The following CTNND2 variants were observed in gnomAD, a reference collection of about 807,000 sequenced individuals.
The protein encoded by CTNND2 is catenin delta 2.
CTNND2 carries 22 observed loss-of-function variants against 144.4 expected under a neutral mutation model. That is an observed-to-expected ratio of 0.15 (90% CI 0.11 to 0.22). The LOEUF (loss-of-function observed/expected upper bound fraction) is 0.22. Ranked by LOEUF, CTNND2 falls within the 10% of genes least tolerant of loss-of-function variation. CTNND2 has a pLI of 1.00. For missense variants in CTNND2, 1,353 were observed against 1,618.8 expected, an observed-to-expected ratio of 0.84 and a Z score of 2.82; for synonymous variants, 751 against 695.6, an observed-to-expected ratio of 1.08 and a Z score of -1.25.
At chr5:11,625,393 C>CTCTA (rs1196988462) in intron 2 of CTNND2, among the ~76,000 whole-genome samples, 4 of 129,858 alleles carry the variant, frequency 3.1e-5, no homozygotes, top group Non-Finnish European at 6.0e-5. Flanking sequence ...AGAAAAATCT[C>CTCTA]TCTCTCTCTC....
intron 14 of CTNND2, among the ~76,000 whole-genome samples, chr5:11,107,797 G>A (rs1752568841): frequency 6.6e-6 from 1 of 152,232 alleles, no homozygotes; most frequent in Non-Finnish European, 1.5e-5. Context: ...GACTGCGGAA[G>A]ACGCTTGGCT....
intron 9 of CTNND2, among the ~76,000 whole-genome samples, chr5:11,241,471 G>C (rs1411794950): frequency 1.3e-5 from 2 of 152,226 alleles, no homozygotes; most frequent in Non-Finnish European, 2.9e-5. Context: ...GGTTGGAGTT[G>C]ATTGTGTCTC....
intron 9 of CTNND2, among the ~76,000 whole-genome samples, chr5:11,240,141 A>AAC (rs768870703): frequency 2.2e-5 from 3 of 139,038 alleles, no homozygotes; most frequent in Middle Eastern, 3.7e-3. Context: ...ACACACACCC[A>AAC]ACACACACAC....
At chr5:11,177,165 G>A (rs979711644) in intron 11 of CTNND2, among the ~76,000 whole-genome samples, 8 of 152,076 alleles carry the variant, frequency 5.3e-5, no homozygotes, top group African/African-American at 1.7e-4. Flanking sequence ...CTTATTTCAC[G>A]TCAACAATTT....
intron 1 of CTNND2, among the ~76,000 whole-genome samples, chr5:11,858,514 T>C (rs762889103): frequency 2.0e-5 from 3 of 152,242 alleles, no homozygotes; most frequent in Admixed American, 6.5e-5. Flanking sequence ...ACTATATTGC[T>C]CTACACGAAC....
chr5:11,263,383 G>T (rs1745110714), intron 9 of CTNND2, among the ~76,000 whole-genome samples: 1 of 152,092 alleles, frequency 6.6e-6, no homozygotes, highest in Admixed American at 6.6e-5. Context: ...AATATTTAAA[G>T]CCAGTAAAAA....
At chr5:11,319,156 C>G (rs1751794039) in intron 9 of CTNND2, among the ~76,000 whole-genome samples, 2 of 152,016 alleles carry the variant, frequency 1.3e-5, no homozygotes. Flanking sequence ...CCTTACCTTG[C>G]CTCATTTTCT....
At chr5:11,776,569 T>C (rs1374634478) in intron 1 of CTNND2, among the ~76,000 whole-genome samples, 2 of 152,146 alleles carry the variant, frequency 1.3e-5, no homozygotes, top group Non-Finnish European at 2.9e-5. Context: ...AGAAACATAA[T>C]ATTATCAATC....
chr5:11,597,518 A>G (rs1779572350), intron 2 of CTNND2, among the ~76,000 whole-genome samples: 1 of 149,752 alleles, frequency 6.7e-6, no homozygotes, highest in Non-Finnish European at 1.5e-5. Flanking sequence ...TAAGCTTACA[A>G]TTTGCCTTAG....
chr5:11,510,035 G>A (rs1434430767), intron 3 of CTNND2, among the ~76,000 whole-genome samples: 1 of 152,114 alleles, frequency 6.6e-6, no homozygotes, highest in Admixed American at 6.6e-5. Flanking sequence ...GGGCTCAAGC[G>A]ATCCACCCTC....
chr5:11,559,066 C>T (rs1776472934), intron 3 of CTNND2, among the ~76,000 whole-genome samples: 1 of 152,006 alleles, frequency 6.6e-6, no homozygotes, highest in Non-Finnish European at 1.5e-5. Context: ...CAAGTGAGGC[C>T]CTCTGGGAAA....
chr5:11,713,232 G>C (rs1370815833), intron 2 of CTNND2, among the ~76,000 whole-genome samples: 1 of 152,022 alleles, frequency 6.6e-6, no homozygotes, highest in Non-Finnish European at 1.5e-5. Context: ...TATTAGAAGG[G>C]CTGAAATTAA....
intron 1 of CTNND2, among the ~76,000 whole-genome samples, chr5:11,874,642 G>A (rs1186819529): frequency 6.6e-6 from 1 of 152,154 alleles, no homozygotes; most frequent in East Asian, 1.9e-4. Flanking sequence ...TACATCCTAG[G>A]TGGGAAGGAA....
At chr5:11,071,659 A>T (rs972711442) in intron 16 of CTNND2, among the ~76,000 whole-genome samples, 7 of 151,846 alleles carry the variant, frequency 4.6e-5, no homozygotes, top group African/African-American at 1.7e-4. Flanking sequence ...TACCTTGCAA[A>T]GGTAAGCGTG....
Position 11,504,755 on chromosome 5 carries a change from A to G in CTNND2, c.287+60189T>C, listed in dbSNP as rs1581361373. ...TGAGAGGCTCCACAGGGACCATCTG[A>G]CAGCCACTGCCTGAGCCTGGGACTA... On this transcript the variant is annotated intron_variant, in intron 3 of 21. Transcript: ENST00000304623. Among the ~76,000 whole-genome samples, 2 of 152,158 alleles carry G rather than the reference A, an allele frequency of 1.3e-5. 1 individual carries two copies. The highest frequency in any genetic ancestry group is 4.1e-4 in the South Asian group (2 of 4,826).
At chr5:11,016,783 T>C (rs1180409757) in intron 18 of CTNND2, among the ~76,000 whole-genome samples, 1 of 152,114 alleles carries the variant, frequency 6.6e-6, no homozygotes, top group Non-Finnish European at 1.5e-5. Context: ...ATATATTTTT[T>C]TTTTTGAGAT....
In CTNND2 at chr5:10,990,270, A is replaced by AGGGGACTG. The variant is rs1307356009; in HGVS notation, c.3212-2029_3212-2028insCAGTCCCC. Among the ~76,000 whole-genome samples the AGGGGACTG allele has an allele frequency of 1.4e-4, 21 of 152,306 alleles. No homozygotes were observed. In the East Asian group the frequency reaches 4.1e-3, roughly 29 times the overall value. On this transcript the variant is annotated intron_variant, in intron 19 of 21. Transcript: ENST00000304623. Reference sequence around the variant, plus strand: ...TGGGCCATCTCTGTCCCGAATGTGAATCTGGGGAGATGTGAGGGGCAGCCA... The same window carrying AGGGGACTG: ...TGGGCCATCTCTGTCCCGAATGTGAAGGGGACTGTCTGGGGAGATGTGAGGGGCAGCCA...
At chr5:11,427,623 A>G (rs1163924487) in intron 3 of CTNND2, among the ~76,000 whole-genome samples, 1 of 152,050 alleles carries the variant, frequency 6.6e-6, no homozygotes, top group Non-Finnish European at 1.5e-5. Flanking sequence ...TGCATTTTGC[A>G]TTGGGCATTG....
chr5:11,206,697 A>AT (rs1472782653), intron 10 of CTNND2, among the ~76,000 whole-genome samples: 1 of 152,194 alleles, frequency 6.6e-6, no homozygotes, highest in Non-Finnish European at 1.5e-5. Context: ...AAATCCCATG[A>AT]TTTTCTCTAA....
Sources: gnomAD v4.1 joint callset for allele counts (sites outside exome capture counted in the v4.1 genomes callset) on GRCh38, gnomAD v4.1.1 for gene constraint, MANE v1.5 for transcripts, NCBI Gene and HGNC (gene_info 2026-07-23, HGNC 2026-07-21) for gene names.